Variants in TNRC6C observed in about 807,000 individuals in gnomAD.
The protein encoded by TNRC6C is trinucleotide repeat containing adaptor 6C.
Under a neutral mutation model 153.7 loss-of-function variants are expected in TNRC6C, and 20 were observed. The ratio of observed to expected loss-of-function variants is 0.13; its 90% CI spans 0.09 to 0.19. The LOEUF (loss-of-function observed/expected upper bound fraction) is 0.19. Ranked by LOEUF, TNRC6C falls within the 10% of genes least tolerant of loss-of-function variation. The pLI is 1.00. For synonymous variants in TNRC6C, 811 were observed against 841.4 expected, an observed-to-expected ratio of 0.96 and a Z score of 0.63; for missense variants, 1,987 against 2,172.0, an observed-to-expected ratio of 0.91 and a Z score of 1.69.
rs1387863806 is a variant in TNRC6C at position 78,049,901 on chromosome 17, A to T, written c.839A>T (p.Lys280Ile). The change falls in exon 3 of 20, where the codon AAA (lysine) becomes ATA (isoleucine). Residue 280 changes from lysine (K) to isoleucine (I), a missense_variant. Physicochemically the swap from Lys to Ile is moderately radical, Grantham distance 102 (BLOSUM62 -3). This residue lies in a region of TNRC6C where 1,052 missense variants were observed against 1,017.0 expected (regional missense o/e 1.03). Transcript: ENST00000301624. The surrounding 1 kb of genome is among the most constrained non-coding windows in gnomAD (Gnocchi z 4.1). ...ACTGTGAACTCAGCATTAAGTGCTA[A>T]ACAAAATGGATCCAGCAGTGCTGTG... The T allele has an allele frequency of 1.9e-6, 3 of 1,613,960 alleles. No individual in the cohort carries two copies. The highest frequency in any genetic ancestry group is 2.5e-6 in the Non-Finnish European group (3 of 1,179,908).
At chr17:78,037,253 A>G (rs16970757) in intron 2 of TNRC6C, among the ~76,000 whole-genome samples, 8,732 of 152,312 alleles carry the variant, frequency 0.057, 611 homozygotes, top group African/African-American at 0.17. Flanking sequence ...TGAGAAGGGA[A>G]GAAGATGCTA....
exon 3 of TNRC6C, chr17:78,050,350 G>C: frequency 6.2e-7 from 1 of 1,610,972 alleles, no homozygotes; most frequent in East Asian, 2.2e-5. Context: ...TATAGACCAA[G>C]GGCACATCCA....
intron 1 of TNRC6C, among the ~76,000 whole-genome samples, chr17:77,962,983 G>A (rs965171564): frequency 2.6e-5 from 4 of 152,134 alleles, no homozygotes; most frequent in Non-Finnish European, 4.4e-5. Context: ...TTTTGTAGGG[G>A]GTAGATTGTA....
chr17:78,080,168 C>T (rs992592939), intron 10 of TNRC6C, among the ~76,000 whole-genome samples: 20 of 152,214 alleles, frequency 1.3e-4, no homozygotes, highest in African/African-American at 4.3e-4. Flanking sequence ...AAAATGTTGC[C>T]GGGCGCGGCG....
At chr17:77,961,451 C>T (rs920472722) in intron 1 of TNRC6C, among the ~76,000 whole-genome samples, 21 of 152,262 alleles carry the variant, frequency 1.4e-4, no homozygotes, top group South Asian at 6.2e-4. Context: ...CCACCACGCT[C>T]GGCCGGTTTT....
chr17:77,957,582 G>T (rs1435223378), upstream of TNRC6C, among the ~76,000 whole-genome samples: 1 of 152,200 alleles, frequency 6.6e-6, no homozygotes, highest in African/African-American at 2.4e-5. Context: ...TCAAGACAGG[G>T]ACACGTAGAC....
At chr17:78,041,574 T>G (rs1386640061) in intron 2 of TNRC6C, among the ~76,000 whole-genome samples, 1 of 152,226 alleles carries the variant, frequency 6.6e-6, no homozygotes, top group Non-Finnish European at 1.5e-5. Context: ...GTTTCATAAT[T>G]CCTTGTATTT....
chr17:77,996,410 A>C (rs577595276), intron 1 of TNRC6C, among the ~76,000 whole-genome samples: 12 of 152,350 alleles, frequency 7.9e-5, no homozygotes, highest in Middle Eastern at 3.4e-3. Context: ...TGCAGCCTAG[A>C]GAATCCAGGT....
Position 78,049,656 on chromosome 17 carries a change from T to C in TNRC6C, c.594T>C (p.Asn198=). The change falls in exon 3 of 20, where the codon AAT becomes AAC. Residue 198 remains asparagine, a synonymous_variant. Coordinates refer to ENST00000301624, the Ensembl canonical transcript of TNRC6C. The surrounding 1 kb of genome is among the most constrained non-coding windows in gnomAD (Gnocchi z 4.1). ...TGAACTCTTCACCCAACCCTATCAA[T>C]GCAATGCAGACAAATGGACTGCCAA... The C allele has an allele frequency of 6.2e-7, 1 of 1,613,658 alleles. No homozygotes were observed. Among genetic ancestry groups the C allele is most frequent in the Non-Finnish European group, 8.5e-7 (1 of 1,179,596 alleles).
chr17:78,082,129 C>T (rs754758004), intron 10 of TNRC6C, among the ~76,000 whole-genome samples: 4 of 150,240 alleles, frequency 2.7e-5, no homozygotes, highest in Non-Finnish European at 4.4e-5. Context: ...TCTTTGTTCC[C>T]AGGCAGATTG....
At chr17:78,057,919 C>A (rs1276901287) in intron 3 of TNRC6C, among the ~76,000 whole-genome samples, 1 of 152,012 alleles carries the variant, frequency 6.6e-6, no homozygotes, top group Non-Finnish European at 1.5e-5. Flanking sequence ...TTCTGTGAGC[C>A]TGAGGAAAAC....
rs770738026 is a variant in TNRC6C, at chr17:78,104,598, G to A, written c.4826G>A (p.Ser1609Asn). Residue 1609 changes from serine to asparagine, a missense_variant, in exon 20 of 20, where the codon AGC becomes AAC. Ser to Asn is a conservative substitution (Grantham distance 46, BLOSUM62 1). Coordinates refer to ENST00000301624, the Ensembl canonical transcript of TNRC6C. The surrounding 1 kb of genome is among the most constrained non-coding windows in gnomAD (Gnocchi z 6.2). ...CCCACTTCCAGCTGGCAGTCCAGCAGCGCGTCCAGCCAGCCGCGGCTCAGC... is the reference window on the plus strand; with the variant it reads ...CCCACTTCCAGCTGGCAGTCCAGCAACGCGTCCAGCCAGCCGCGGCTCAGC... The A allele has an allele frequency of 7.1e-5, 111 of 1,553,036 alleles. No homozygotes were observed. The highest frequency in any genetic ancestry group is 6.2e-5 in the Non-Finnish European group (71 of 1,148,758).
chr17:78,068,416 G>A (rs555284106), intron 5 of TNRC6C, among the ~76,000 whole-genome samples: 34 of 152,306 alleles, frequency 2.2e-4, no homozygotes, highest in African/African-American at 8.2e-4. Flanking sequence ...GTCAACAGAA[G>A]TTCTTTGGGA....
chr17:77,992,126 T>C (rs966293379), intron 1 of TNRC6C, among the ~76,000 whole-genome samples: 2 of 152,236 alleles, frequency 1.3e-5, no homozygotes, highest in Non-Finnish European at 2.9e-5. Context: ...CACTTCACAC[T>C]GTCTGCTGCC....
At chr17:77,976,908 G>A (rs140542324) in intron 1 of TNRC6C, among the ~76,000 whole-genome samples, 3,490 of 110,070 alleles carry the variant, frequency 0.032, 72 homozygotes, top group South Asian at 0.073. Context: ...CAGCTCAGGC[G>A]ACAAGAGCAA....
intron 17 of TNRC6C, 144 bp from the exon 21 acceptor site, chr17:78,102,330 G>A: frequency 2.9e-6 from 2 of 680,958 alleles, no homozygotes; most frequent in African/African-American, 1.8e-5. Flanking sequence ...AGATAGCATG[G>A]GCCTCCCAGG....
Position 78,104,817 on chromosome 17 carries a change from G to T in TNRC6C, c.5045G>T (p.Gly1682Val). The T allele has an allele frequency of 6.9e-7, 1 of 1,440,434 alleles. No homozygotes were observed. The highest frequency in any genetic ancestry group is 2.7e-5 in the Admixed American group (1 of 37,430). 89.2% of individuals were successfully genotyped at this position (1,440,434 alleles called of 1,614,324 possible). A position where few individuals can be genotyped will look rare whatever the true frequency, so the allele number is the denominator to read the frequency against. The change falls in exon 20 of 20, where the codon GGG becomes GTG. Residue 1682 changes from glycine to valine, a missense_variant. Physicochemically the swap from Gly to Val is moderately radical, Grantham distance 109. This residue lies in a region of TNRC6C where 139 missense variants were observed against 148.5 expected (regional missense o/e 0.94). Transcript: ENST00000301624. The surrounding 1 kb of genome is among the most constrained non-coding windows in gnomAD (Gnocchi z 6.2). Reference sequence around the variant, plus strand: ...ACGCCGCTAACCACCCTGCTGCCTGGGGACCTGCTCAGCGGGGAGTCCCTG... The same window carrying T: ...ACGCCGCTAACCACCCTGCTGCCTGTGGACCTGCTCAGCGGGGAGTCCCTG...
chr17:78,011,344 C>A (rs560783456), intron 1 of TNRC6C, among the ~76,000 whole-genome samples: 68 of 152,344 alleles, frequency 4.5e-4, no homozygotes, highest in African/African-American at 1.6e-3. Context: ...TCTGTCCCCA[C>A]CCTACCCCCA....
chr17:78,018,291 T>C (rs1358980258), intron 1 of TNRC6C, among the ~76,000 whole-genome samples: 1 of 152,152 alleles, frequency 6.6e-6, no homozygotes, highest in African/African-American at 2.4e-5. Flanking sequence ...CACGCCCGTC[T>C]AACTTTTGTA....
Sources: gnomAD v4.1 joint callset for allele counts (sites outside exome capture counted in the v4.1 genomes callset) on GRCh38, gnomAD v4.1.1 for gene constraint, gnomAD v4.1.1 regional missense constraint, Gnocchi (gnomAD v3.1) non-coding constraint, MANE v1.5 for transcripts, NCBI Gene and HGNC (gene_info 2026-07-23, HGNC 2026-07-21) for gene names.